Variants in AGBL4 observed in about 807,000 individuals in gnomAD.
AGBL4 encodes the protein cytosolic carboxypeptidase 6.
A neutral mutation model predicts 66.4 loss-of-function variants in AGBL4; 58 were observed. The observed-to-expected ratio is 0.87, with a 90% CI of 0.71 to 1.09. AGBL4 has a LOEUF of 1.09. AGBL4 is among the 50% of genes least tolerant of loss of function. The pLI, the probability that AGBL4 is intolerant of heterozygous loss-of-function variation, is 0.00. For missense variants in AGBL4, 579 were observed against 631.0 expected, an observed-to-expected ratio of 0.92 and a Z score of 0.88; for synonymous variants, 234 against 222.9, an observed-to-expected ratio of 1.05 and a Z score of -0.44.
At chr1:49,761,426 A>T (rs1402765480) in intron 2 of AGBL4, among the ~76,000 whole-genome samples, 1 of 152,196 alleles carries the variant, frequency 6.6e-6, no homozygotes, top group Non-Finnish European at 1.5e-5. Flanking sequence ...GACTCTGTGA[A>T]ATGAGCTCTA....
At chr1:49,511,484 T>A in intron 3 of AGBL4, among the ~76,000 whole-genome samples, 1 of 144,198 alleles carries the variant, frequency 6.9e-6, no homozygotes, top group Non-Finnish European at 1.5e-5. Flanking sequence ...AGGGATAGCA[T>A]TGGGAGATAT....
chr1:49,298,553 A>G (rs1157551800), intron 3 of AGBL4, among the ~76,000 whole-genome samples: 1 of 151,918 alleles, frequency 6.6e-6, no homozygotes, highest in Non-Finnish European at 1.5e-5. Context: ...GCTGCATCTT[A>G]CTCCCTGAAC....
At chr1:48,774,540 A>T (rs1468553821) in intron 6 of AGBL4, among the ~76,000 whole-genome samples, 1 of 152,220 alleles carries the variant, frequency 6.6e-6, no homozygotes, top group African/African-American at 2.4e-5. Flanking sequence ...TTTTCAACTA[A>T]TTCAAACTGG....
intron 3 of AGBL4, among the ~76,000 whole-genome samples, chr1:49,691,063 A>T (rs1646877492): frequency 6.6e-6 from 1 of 152,156 alleles, no homozygotes; most frequent in African/African-American, 2.4e-5. Flanking sequence ...AGGTTTTGAA[A>T]GAAGGTGGAG....
intron 6 of AGBL4, among the ~76,000 whole-genome samples, chr1:48,677,019 G>A (rs1428245181): frequency 6.6e-6 from 1 of 152,194 alleles, no homozygotes; most frequent in Non-Finnish European, 1.5e-5. Context: ...GTCATAAGAA[G>A]GGGCGGAGCT....
chr1:49,435,550 A>G lies in AGBL4; in HGVS notation c.283-189686T>C, dbSNP rs1005261999. 3.9e-5 allele frequency among the ~76,000 whole-genome samples: 6 copies of G among 152,216 alleles called. No individual in the cohort carries two copies. The East Asian group carries it at 5.8e-4, about 15-fold the overall frequency. ...GAACATGTGCTTGTGGGAATTGGAT[A>G]CCAAGAAGAGAAACATGTCAGAAGT... is the stretch of plus-strand genomic sequence containing the variant. On this transcript the variant is annotated intron_variant, in intron 3 of 13. Coordinates refer to ENST00000371839, the MANE Select transcript of AGBL4 (RefSeq NM_032785.4).
intron 6 of AGBL4, among the ~76,000 whole-genome samples, chr1:48,676,633 G>T (rs1034621749): frequency 6.6e-6 from 1 of 152,222 alleles, no homozygotes; most frequent in Non-Finnish European, 1.5e-5. Context: ...TGCGTCTGCA[G>T]AGGGGAATGC....
At chr1:48,866,921 G>T (rs768749918) in intron 6 of AGBL4, among the ~76,000 whole-genome samples, 3 of 152,126 alleles carry the variant, frequency 2.0e-5, no homozygotes, top group Non-Finnish European at 4.4e-5. Context: ...GAGTGATTTG[G>T]AGAGAACTTG....
chr1:49,511,414 A>G (rs1280917913), intron 3 of AGBL4, among the ~76,000 whole-genome samples: 2 of 131,706 alleles, frequency 1.5e-5, no homozygotes, highest in African/African-American at 5.7e-5. Context: ...ATGAGATCAC[A>G]TGGACACAGG....
intron 3 of AGBL4, among the ~76,000 whole-genome samples, chr1:49,368,341 T>C (rs1399054812): frequency 6.6e-6 from 1 of 152,230 alleles, no homozygotes; most frequent in Admixed American, 6.5e-5. Context: ...TAAACTGTTT[T>C]CTATAGAAAA....
At chr1:49,402,380 T>C (rs1645104295) in intron 3 of AGBL4, among the ~76,000 whole-genome samples, 1 of 152,200 alleles carries the variant, frequency 6.6e-6, no homozygotes, top group Non-Finnish European at 1.5e-5. Flanking sequence ...TGTGTTTGCA[T>C]TATCAATTCT....
intron 2 of AGBL4, chr1:49,841,956 C>G (rs1365648654): frequency 5.3e-6 from 3 of 564,646 alleles, no homozygotes; most frequent in Non-Finnish European, 9.7e-6. Context: ...TGTCCTCCAC[C>G]TCGTACCTGG....
intron 2 of AGBL4, among the ~76,000 whole-genome samples, chr1:49,734,376 A>T (rs1649697965): frequency 6.6e-6 from 1 of 152,102 alleles, no homozygotes; most frequent in Admixed American, 6.6e-5. Flanking sequence ...TTCACAGATG[A>T]TGTGATCCTA....
chr1:49,198,615 C>T (rs767185135), intron 4 of AGBL4, among the ~76,000 whole-genome samples: 14 of 152,098 alleles, frequency 9.2e-5, no homozygotes, highest in Non-Finnish European at 1.2e-4. Context: ...GCTAGGATTA[C>T]GGGCGTGAAG....
Position 49,697,296 on chromosome 1 carries a change from T to G in AGBL4, c.282+17A>C. The G allele has an allele frequency of 1.9e-6, 3 of 1,541,022 alleles. No individual in the cohort carries two copies. Among genetic ancestry groups the G allele is most frequent in the Non-Finnish European group, 2.6e-6 (3 of 1,138,778 alleles). Reference sequence around the variant, plus strand: ...TCTTACCAAAACCACTCTGAAGGTATCCACTATTTCCCTCACCTGTGATTC... The same window carrying G: ...TCTTACCAAAACCACTCTGAAGGTAGCCACTATTTCCCTCACCTGTGATTC... On this transcript the variant is annotated intron_variant, in intron 3 of 13. Coordinates refer to ENST00000371839, the MANE Select transcript of AGBL4 (RefSeq NM_032785.4).
chr1:48,868,409 A>G (rs964991966), intron 5 of AGBL4, among the ~76,000 whole-genome samples: 2 of 152,152 alleles, frequency 1.3e-5, no homozygotes, highest in African/African-American at 4.8e-5. Flanking sequence ...TGATGTATCA[A>G]TTTTTTTCAT....
intron 5 of AGBL4, 75 bp from the exon 6 acceptor site, chr1:48,867,305 C>G (rs1156702068): frequency 6.9e-7 from 1 of 1,443,516 alleles, no homozygotes; most frequent in Non-Finnish European, 9.7e-7. Context: ...TCAGGGCGGA[C>G]AAGCAAAGAG....
intron 3 of AGBL4, among the ~76,000 whole-genome samples, chr1:49,575,453 GA>G (rs1157999993): frequency 2.0e-5 from 3 of 152,118 alleles, no homozygotes; most frequent in Non-Finnish European, 4.4e-5. Flanking sequence ...CCTCTACCTA[GA>G]AAAAATAGTA....
At chr1:49,157,200 C>A (rs1646448838) in intron 4 of AGBL4, among the ~76,000 whole-genome samples, 1 of 152,072 alleles carries the variant, frequency 6.6e-6, no homozygotes, top group Admixed American at 6.6e-5. Context: ...CCATCATCTA[C>A]ATTAGGTATT....
Sources: allele counts gnomAD v4.1 joint callset (sites outside exome capture counted in the v4.1 genomes callset), GRCh38; gene constraint gnomAD v4.1.1; transcripts MANE v1.5; gene names NCBI Gene and HGNC (gene_info 2026-07-23, HGNC 2026-07-21).